Variants in PSD3 observed in about 807,000 individuals in gnomAD.
PSD3 encodes the protein PH and SEC7 domain-containing protein 3.
Under a neutral mutation model 105.5 loss-of-function variants are expected in PSD3, and 49 were observed. That is an observed-to-expected ratio of 0.46 (90% CI 0.37 to 0.59). PSD3 has a LOEUF of 0.59. Ranked by LOEUF, PSD3 falls within the 20% of genes least tolerant of loss-of-function variation. PSD3 has a pLI of 0.00. For missense variants in PSD3, 1,561 were observed against 1,263.8 expected (o/e 1.24, Z -3.57); for synonymous variants, 557 against 457.8 (o/e 1.22, Z -2.77).
intron 10 of PSD3, among the ~76,000 whole-genome samples, chr8:18,637,613 T>C (rs1807358462): frequency 6.6e-6 from 1 of 152,234 alleles, no homozygotes; most frequent in Non-Finnish European, 1.5e-5. Context: ...ATCGATAGTT[T>C]GTTCCCTACC....
At chr8:18,954,004 A>C (rs147919942) in intron 1 of PSD3, among the ~76,000 whole-genome samples, 2 of 152,260 alleles carry the variant, frequency 1.3e-5, no homozygotes, top group African/African-American at 4.8e-5. Context: ...AAACAGTGAC[A>C]CAGGGCTCTG....
intron 9 of PSD3, among the ~76,000 whole-genome samples, chr8:18,730,662 G>T (rs189156605): frequency 2.6e-5 from 4 of 152,126 alleles, no homozygotes; most frequent in African/African-American, 9.6e-5. Context: ...ACATATTTTT[G>T]GCTTCTATCC....
chr8:18,727,286 G>A (rs1299537826), intron 9 of PSD3, among the ~76,000 whole-genome samples: 4 of 138,628 alleles, frequency 2.9e-5, no homozygotes, highest in Non-Finnish European at 4.5e-5. Flanking sequence ...GCAGTGAGCC[G>A]AGATCGCACT....
chr8:19,048,369 C>T (rs1828398798), intron 1 of PSD3, among the ~76,000 whole-genome samples: 2 of 152,186 alleles, frequency 1.3e-5, no homozygotes, highest in Admixed American at 1.3e-4. Flanking sequence ...AAGCCTGCAC[C>T]TTTGAAAGTC....
intron 1 of PSD3, among the ~76,000 whole-genome samples, chr8:19,007,923 A>G (rs544246834): frequency 2.6e-5 from 4 of 151,958 alleles, no homozygotes; most frequent in Non-Finnish European, 1.5e-5. Flanking sequence ...GCTCACTGCA[A>G]CCTCCGCCTC....
At chr8:18,732,456 A>C (rs1449570869) in intron 9 of PSD3, among the ~76,000 whole-genome samples, 1 of 152,216 alleles carries the variant, frequency 6.6e-6, no homozygotes, top group African/African-American at 2.4e-5. Context: ...CTGGGGCAGA[A>C]CTCAGTGAGA....
At chr8:18,831,584 T>A (rs1187041332) in intron 4 of PSD3, among the ~76,000 whole-genome samples, 1 of 151,586 alleles carries the variant, frequency 6.6e-6, no homozygotes, top group Non-Finnish European at 1.5e-5. Flanking sequence ...TAGCCAGGAG[T>A]GGTGGCGGGC....
At chr8:18,739,025 G>C (rs1804363394) in intron 9 of PSD3, among the ~76,000 whole-genome samples, 1 of 152,108 alleles carries the variant, frequency 6.6e-6, no homozygotes. Flanking sequence ...AGAACAACTT[G>C]GACTAAAGGC....
At chr8:19,012,932 A>T (rs1202106298) in intron 1 of PSD3, among the ~76,000 whole-genome samples, 4 of 152,100 alleles carry the variant, frequency 2.6e-5, no homozygotes, top group African/African-American at 9.7e-5. Flanking sequence ...CATCGAGGGG[A>T]ATGGCAAAAC....
chr8:18,651,547 C>G (rs1808482044), intron 10 of PSD3, among the ~76,000 whole-genome samples: 1 of 152,164 alleles, frequency 6.6e-6, no homozygotes. Flanking sequence ...CATATAAACA[C>G]TATGATCAGC....
chr8:18,969,972 A>G (rs1824527783), intron 1 of PSD3, among the ~76,000 whole-genome samples: 1 of 152,186 alleles, frequency 6.6e-6, no homozygotes, highest in Admixed American at 6.5e-5. Flanking sequence ...TGCACAGTAA[A>G]ATTAATAAAC....
chr8:18,916,296 T>G (rs1476303695), intron 2 of PSD3, among the ~76,000 whole-genome samples: 1 of 28,948 alleles, frequency 3.5e-5, no homozygotes, highest in Admixed American at 6.1e-4. Flanking sequence ...TTAAAAAAAG[T>G]GATATATATA....
chr8:18,621,506 A>G (rs1806106608), intron 11 of PSD3, among the ~76,000 whole-genome samples: 1 of 152,224 alleles, frequency 6.6e-6, no homozygotes, highest in South Asian at 2.1e-4. Flanking sequence ...ATGAGCCATC[A>G]TTACGGAATG....
At chr8:18,754,209 C>T (rs993705687) in intron 9 of PSD3, among the ~76,000 whole-genome samples, 2 of 152,092 alleles carry the variant, frequency 1.3e-5, no homozygotes, top group Non-Finnish European at 2.9e-5. Context: ...TATGGTGAAA[C>T]CCTGTCTCTA....
intron 8 of PSD3, among the ~76,000 whole-genome samples, chr8:18,788,512 A>G (rs549254480): frequency 1.7e-4 from 26 of 152,318 alleles, no homozygotes; most frequent in African/African-American, 5.3e-4. Flanking sequence ...AGCTGTGTCA[A>G]TCAGGTATTC....
chr8:18,632,510 T>G, intron 11 of PSD3, 103 bp downstream of exon 11: 1 of 1,291,392 alleles, frequency 7.7e-7, no homozygotes, highest in Non-Finnish European at 1.1e-6. Flanking sequence ...TGTCTATAGA[T>G]AAACATAATT....
At chr8:18,764,267 T>G (rs1675368299) in intron 9 of PSD3, among the ~76,000 whole-genome samples, 1 of 152,192 alleles carries the variant, frequency 6.6e-6, no homozygotes, top group East Asian at 1.9e-4. Context: ...AAAAAAGTCT[T>G]GTTAACACCA....
chr8:18,720,451 T>TAAAA (rs1240271172), intron 9 of PSD3, among the ~76,000 whole-genome samples: 1 of 152,100 alleles, frequency 6.6e-6, no homozygotes, highest in African/African-American at 2.4e-5. Context: ...AAACCAGAGT[T>TAAAA]AAAAACAACA....
chr8:18,860,497 C>G (rs1816358129), intron 4 of PSD3, among the ~76,000 whole-genome samples: 1 of 151,496 alleles, frequency 6.6e-6, no homozygotes, highest in Non-Finnish European at 1.5e-5. Flanking sequence ...AGCAATAAAG[C>G]TAAGTGCAAT....
Sources: gnomAD v4.1 joint callset for allele counts (sites outside exome capture counted in the v4.1 genomes callset) on GRCh38, gnomAD v4.1.1 for gene constraint, MANE v1.5 for transcripts, NCBI Gene and HGNC (gene_info 2026-07-23, HGNC 2026-07-21) for gene names.